The following ACOXL variants were observed in gnomAD, a reference collection of about 807,000 sequenced individuals.
The protein encoded by ACOXL is acyl-CoA oxidase like.
Under a neutral mutation model 71.9 loss-of-function variants are expected in ACOXL, and 70 were observed. The observed-to-expected ratio is 0.97, with a 90% CI of 0.80 to 1.19. The LOEUF (loss-of-function observed/expected upper bound fraction) is 1.19, where lower values mean the gene tolerates loss of function less well. Ranked by LOEUF, ACOXL falls within the 50% of genes most tolerant of loss-of-function variation. The pLI is 0.00. For synonymous variants in ACOXL, 253 were observed against 281.6 expected (o/e 0.90, Z 1.02); for missense variants, 703 against 736.3 (o/e 0.95, Z 0.52).
chr2:110,951,245 A>G (rs2061324596), intron 12 of ACOXL, among the ~76,000 whole-genome samples: 1 of 152,196 alleles, frequency 6.6e-6, no homozygotes, highest in African/African-American at 2.4e-5. Context: ...ATATTTTCTA[A>G]TACTTTGAAG....
chr2:111,077,348 T>TCC (rs1231527782), intron 16 of ACOXL, among the ~76,000 whole-genome samples: 1 of 152,136 alleles, frequency 6.6e-6, no homozygotes, highest in Admixed American at 6.5e-5. Flanking sequence ...AGTGTTCCTC[T>TCC]CCCCTCTTTC....
At chr2:111,003,550 CAAAA>C (rs548001377) in intron 14 of ACOXL, among the ~76,000 whole-genome samples, 30 of 35,332 alleles carry the variant, frequency 8.5e-4, no homozygotes, top group African/African-American at 1.4e-3. Flanking sequence ...GACTCTGTCT[CAAAA>C]AAAAAAAAAA....
chr2:111,027,764 T>C (rs2065083041), intron 14 of ACOXL, among the ~76,000 whole-genome samples: 2 of 152,238 alleles, frequency 1.3e-5, no homozygotes, highest in Admixed American at 1.3e-4. Flanking sequence ...TTTTCTCAAC[T>C]GTAAACATCT....
Position 110,912,203 on chromosome 2 carries a change from T to C in ACOXL, c.905+3298T>C, listed in dbSNP as rs142131550. Among the ~76,000 whole-genome samples the C allele has an allele frequency of 2.0e-3, 308 of 152,218 alleles. 2 individuals are homozygous for C. The highest frequency in any genetic ancestry group is 7.2e-3 in the African/African-American group (299 of 41,572). On this transcript the variant is annotated intron_variant, in intron 11 of 17. Transcript: ENST00000439055. ...GGTGACTATACTCCCTAAATTAATC[T>C]GTAGATATAAAGCAGTCTCTATCAA... is the stretch of plus-strand genomic sequence containing the variant.
At chr2:110,834,061 C>T (rs578037086) in intron 9 of ACOXL, among the ~76,000 whole-genome samples, 65 of 152,312 alleles carry the variant, frequency 4.3e-4, no homozygotes, top group African/African-American at 1.4e-3. Flanking sequence ...AATACCCTAA[C>T]GTTTTTGTTA....
At chr2:110,839,556 A>G (rs142368632) in intron 9 of ACOXL, among the ~76,000 whole-genome samples, 1 of 152,188 alleles carries the variant, frequency 6.6e-6, no homozygotes, top group Non-Finnish European at 1.5e-5. Context: ...TATATATTTC[A>G]TACCTTCACT....
chr2:110,738,364 C>T (rs962748016), intron 1 of ACOXL, among the ~76,000 whole-genome samples: 11 of 152,186 alleles, frequency 7.2e-5, no homozygotes, highest in Admixed American at 5.2e-4. Flanking sequence ...AAAACAGTCT[C>T]TTATCTAATA....
chr2:110,807,904 A>T (rs983841687), intron 9 of ACOXL, among the ~76,000 whole-genome samples: 6 of 152,136 alleles, frequency 3.9e-5, no homozygotes, highest in Non-Finnish European at 8.8e-5. Flanking sequence ...GCAGCTCCCC[A>T]CAGTGACATT....
At chr2:111,027,954 T>C (rs1290421250) in intron 14 of ACOXL, among the ~76,000 whole-genome samples, 5 of 152,128 alleles carry the variant, frequency 3.3e-5, no homozygotes, top group African/African-American at 1.2e-4. Context: ...GGGAGGCCAA[T>C]GCTGGCAGAT....
rs1008028485 is a variant in ACOXL, at chr2:110,835,263, G to GT, written c.754-6098dup. On this transcript the variant is annotated intron_variant, in intron 9 of 17. Transcript: ENST00000439055. The stretch of plus-strand genomic sequence containing the variant: ...GTGGCTTTTTCTTTAATTTCTTTAG[G>GT]TTTTTTTTTTAAATTTAATTCCAAG... Among the ~76,000 whole-genome samples the GT allele has an allele frequency of 3.6e-3, 536 of 149,052 alleles. 4 individuals carry two copies. Among genetic ancestry groups the GT allele is most frequent in the African/African-American group, 0.012 (482 of 40,632 alleles).
At chr2:110,866,449 T>C (rs1360513545) in intron 10 of ACOXL, among the ~76,000 whole-genome samples, 2 of 151,918 alleles carry the variant, frequency 1.3e-5, no homozygotes, top group African/African-American at 4.8e-5. Context: ...AAGACATGAA[T>C]AGCCAGAGCC....
intron 10 of ACOXL, among the ~76,000 whole-genome samples, chr2:110,846,202 C>T (rs537316148): frequency 1.3e-5 from 2 of 152,022 alleles, no homozygotes; most frequent in African/African-American, 2.4e-5. Flanking sequence ...CTAACATGGG[C>T]GTCAGGACCA....
intron 5 of ACOXL, among the ~76,000 whole-genome samples, chr2:110,796,773 A>G (rs1320025166): frequency 6.6e-6 from 1 of 152,240 alleles, no homozygotes; most frequent in Non-Finnish European, 1.5e-5. Flanking sequence ...TCTCTTAAAA[A>G]GATCCAGCAT....
intron 11 of ACOXL, among the ~76,000 whole-genome samples, chr2:110,922,120 A>C (rs2060100411): frequency 6.6e-6 from 1 of 152,202 alleles, no homozygotes; most frequent in Non-Finnish European, 1.5e-5. Flanking sequence ...CAATGACTGC[A>C]AGAAGGGGGT....
intron 16 of ACOXL, among the ~76,000 whole-genome samples, chr2:111,084,899 G>GA (rs113297442): frequency 0.26 from 29,453 of 112,778 alleles, 3,335 homozygotes; most frequent in South Asian, 0.36. Flanking sequence ...TGGAAAACAG[G>GA]AAAAAAAAAA....
At chr2:111,045,567 C>T (rs2065975419) in intron 15 of ACOXL, among the ~76,000 whole-genome samples, 3 of 152,202 alleles carry the variant, frequency 2.0e-5, no homozygotes, top group Admixed American at 6.5e-5. Context: ...CCCTGCAGAA[C>T]TGTGTCAATT....
At chr2:110,856,145 A>G (rs552778919) in intron 10 of ACOXL, among the ~76,000 whole-genome samples, 7 of 152,234 alleles carry the variant, frequency 4.6e-5, no homozygotes, top group South Asian at 2.1e-4. Flanking sequence ...GCATTTTACA[A>G]TCCGAGCTAC....
chr2:110,787,940 T>C (rs1348716279), intron 3 of ACOXL, among the ~76,000 whole-genome samples: 1 of 152,212 alleles, frequency 6.6e-6, no homozygotes, highest in Non-Finnish European at 1.5e-5. Context: ...TCTATATATT[T>C]ATTCATGGAA....
intron 1 of ACOXL, among the ~76,000 whole-genome samples, chr2:110,745,893 G>C (rs1201643307): frequency 6.6e-6 from 1 of 152,142 alleles, no homozygotes; most frequent in Non-Finnish European, 1.5e-5. Context: ...ACCATAGTCA[G>C]GGAAAGCAGC....
Sources: allele counts gnomAD v4.1 joint callset (sites outside exome capture counted in the v4.1 genomes callset), GRCh38; gene constraint gnomAD v4.1.1; transcripts MANE v1.5; gene names NCBI Gene and HGNC (gene_info 2026-07-23, HGNC 2026-07-21).